The following ATP10B variants were observed in gnomAD, a reference collection of about 807,000 sequenced individuals.
ATP10B encodes the protein phospholipid-transporting ATPase VB.
A neutral mutation model predicts 141.2 loss-of-function variants in ATP10B; 122 were observed. The ratio of observed to expected loss-of-function variants is 0.86; its 90% CI spans 0.75 to 1.00. ATP10B has a LOEUF of 1.00. Among genes scored for constraint, ATP10B ranks in the 50% least tolerant of loss-of-function variants. The probability of loss-of-function intolerance (pLI) is 0.00; values close to 1 mark genes in which losing one functional copy is unlikely to be tolerated. For missense variants in ATP10B, 1,876 were observed against 1,825.3 expected, an observed-to-expected ratio of 1.03 and a Z score of -0.51; for synonymous variants, 685 against 692.0, an observed-to-expected ratio of 0.99 and a Z score of 0.16.
Position 160,620,898 on chromosome 5 carries a change from TG to T in ATP10B, c.1864del (p.Gln622SerfsTer7). 1 of 1,614,200 alleles carries T rather than the reference TG, an allele frequency of 6.2e-7. No individual in the cohort carries two copies. The highest frequency in any genetic ancestry group is 8.5e-7 in the Non-Finnish European group (1 of 1,180,036). ...KALGTSLEKI[Q>X]QLFQKLKLLS... ...TAGCTTCAACTTCTGGAAGAGCTGC[TG>T]AATCTTCTCCAGGGACGTCCCCAGA... On this transcript the variant is annotated frameshift_variant, in exon 15 of 26. Coordinates refer to ENST00000327245, the MANE Select transcript of ATP10B (RefSeq NM_025153.3). LOFTEE classifies it high-confidence loss of function.
chr5:160,803,137 G>A (rs1772508103), intron 1 of ATP10B, among the ~76,000 whole-genome samples: 1 of 152,094 alleles, frequency 6.6e-6, no homozygotes, highest in South Asian at 2.1e-4. Context: ...GGCTTGACTA[G>A]CTATATAACT....
At chr5:160,886,117 T>C in the ATP10B span, among the ~76,000 whole-genome samples, 375 of 152,338 alleles carry the variant, frequency 2.5e-3, 2 homozygotes, top group African/African-American at 8.4e-3. Context: ...GGGGGAATTT[T>C]TAGAAATCAA....
At chr5:160,587,504 A>T (rs76720100) in intron 24 of ATP10B, among the ~76,000 whole-genome samples, 2 of 152,212 alleles carry the variant, frequency 1.3e-5, no homozygotes, top group Non-Finnish European at 2.9e-5. Flanking sequence ...CATTGATTCT[A>T]TAAATTACTT....
chr5:160,624,749 C>T (rs935388054), intron 13 of ATP10B, among the ~76,000 whole-genome samples: 7 of 152,218 alleles, frequency 4.6e-5, no homozygotes, highest in African/African-American at 1.7e-4. Context: ...CCCGACTTAA[C>T]TAAAACCCAT....
At position 160,704,914 on chromosome 5, in the gene ATP10B, C is replaced by CTTTTTTTTTTTTTTTTTTTTT. The variant is rs1170629163; in HGVS notation, c.-205+11974_-205+11994dup. Among the ~76,000 whole-genome samples, 236 of 83,628 alleles carry CTTTTTTTTTTTTTTTTTTTTT rather than the reference C, an allele frequency of 2.8e-3. 14 individuals are homozygous for CTTTTTTTTTTTTTTTTTTTTT. The highest frequency in any genetic ancestry group is 6.6e-3 in the African/African-American group (114 of 17,226). The allele number at this position is 83,628 out of a possible 152,430, so 54.9% of individuals were successfully genotyped here. A position where few individuals can be genotyped will look rare whatever the true frequency, so the allele number is the denominator to read the frequency against. On this transcript the variant is annotated intron_variant, in intron 3 of 25. Coordinates refer to ENST00000327245, the MANE Select transcript of ATP10B (RefSeq NM_025153.3). ...TGCTAGCTTCCAACATTTCTTTCAT[C>CTTTTTTTTTTTTTTTTTTTTT]TTTTTTTTTTTTTTTTTTTTTGTTG...
At chr5:160,653,067 T>C (rs1761011054) in intron 7 of ATP10B, among the ~76,000 whole-genome samples, 1 of 119,060 alleles carries the variant, frequency 8.4e-6, no homozygotes. Flanking sequence ...TATATATTTA[T>C]GTATATATAG....
intron 7 of ATP10B, among the ~76,000 whole-genome samples, chr5:160,663,953 G>C (rs1762153728): frequency 6.6e-6 from 1 of 152,110 alleles, no homozygotes; most frequent in African/African-American, 2.4e-5. Context: ...TTTTTGAGTA[G>C]TAGAAAGAAA....
chr5:160,893,734 G>A, the ATP10B span, among the ~76,000 whole-genome samples: 28 of 152,164 alleles, frequency 1.8e-4, no homozygotes, highest in African/African-American at 3.9e-4. Flanking sequence ...ACTGATCCCC[G>A]TGCCTCCTAA....
rs1403808057 is a variant in ATP10B at position 160,622,479 on chromosome 5, G to GTGGA, written c.1723_1726dup (p.Thr576IlefsTer8). The GTGGA allele has an allele frequency of 6.2e-7, 1 of 1,614,138 alleles. No individual in the cohort carries two copies. Among genetic ancestry groups the GTGGA allele is most frequent in the East Asian group, 2.2e-5 (1 of 44,878 alleles). ...GAAGAAATCAGCAATGGAGGAGGTG[G>GTGGA]TGGAGAGGGAAGCCTTGGCAGGTCT... On this transcript the variant is annotated frameshift_variant, in exon 14 of 26. Transcript: ENST00000327245. LOFTEE classifies it high-confidence loss of function.
At chr5:160,812,439 G>C (rs1773243985) in intron 1 of ATP10B, among the ~76,000 whole-genome samples, 1 of 152,192 alleles carries the variant, frequency 6.6e-6, no homozygotes, top group Non-Finnish European at 1.5e-5. Context: ...TGGAGAAACA[G>C]AGATAGGTGA....
At chr5:160,578,315 G>A (rs1755322900) in intron 24 of ATP10B, among the ~76,000 whole-genome samples, 2 of 152,070 alleles carry the variant, frequency 1.3e-5, no homozygotes, top group Admixed American at 6.6e-5. Context: ...TCTACATTAG[G>A]TATTTCTCCT....
upstream of ATP10B, among the ~76,000 whole-genome samples, chr5:160,853,102 CCA>C (rs1445940283): frequency 6.6e-6 from 1 of 152,046 alleles, no homozygotes; most frequent in African/African-American, 2.4e-5. Context: ...GAAGAAACAC[CCA>C]CACCATCTAA....
intron 1 of ATP10B, among the ~76,000 whole-genome samples, chr5:160,809,398 T>C (rs563164217): frequency 6.6e-6 from 1 of 152,108 alleles, no homozygotes; most frequent in African/African-American, 2.4e-5. Context: ...TTTAAAAAAA[T>C]TTTTTTTCTA....
chr5:160,724,414 T>C (rs187252529), intron 2 of ATP10B, among the ~76,000 whole-genome samples: 3 of 152,204 alleles, frequency 2.0e-5, no homozygotes, highest in African/African-American at 7.2e-5. Context: ...GGGGCCAGTG[T>C]ACCTGGCCAC....
At chr5:160,702,734 T>C (rs1407102061) in intron 3 of ATP10B, among the ~76,000 whole-genome samples, 1 of 152,204 alleles carries the variant, frequency 6.6e-6, no homozygotes, top group African/African-American at 2.4e-5. Context: ...TCCTTTCCCA[T>C]TATACAAGAT....
chr5:160,665,605 A>C (rs1762275043), intron 7 of ATP10B, among the ~76,000 whole-genome samples: 1 of 152,232 alleles, frequency 6.6e-6, no homozygotes, highest in South Asian at 2.1e-4. Flanking sequence ...TTGACTTGTA[A>C]ACTGTAATCT....
chr5:160,858,310 A>G, the ATP10B span, among the ~76,000 whole-genome samples: 69 of 152,024 alleles, frequency 4.5e-4, no homozygotes, highest in Non-Finnish European at 7.4e-4. Context: ...TAATGTCTCC[A>G]TAATATATCT....
In ATP10B at chr5:160,687,847, G is replaced by T; in HGVS notation, c.228C>A (p.Tyr76Ter). 1 of 1,614,182 alleles carries T rather than the reference G, an allele frequency of 6.2e-7. No homozygotes were observed. Among genetic ancestry groups the T allele is most frequent in the Non-Finnish European group, 8.5e-7 (1 of 1,180,026 alleles). Residue 76 changes from tyrosine (Y) to a stop codon, truncating the protein, a stop_gained, in exon 5 of 26, where the codon TAC becomes TAA. Coordinates refer to ENST00000327245, the MANE Select transcript of ATP10B (RefSeq NM_025153.3). LOFTEE classifies it high-confidence loss of function. The part of the protein sequence containing the change: ...YPGNRTCTTK[Y>*]TLFTFLPRNL... ...TCCGGGGCAGGAAGGTGAAGAGGGT[G>T]TATTTGGTTGTGCAGGTTCTGTTGC... is the stretch of plus-strand genomic sequence containing the variant.
At chr5:160,767,641 C>CCCA (rs112811888) in intron 2 of ATP10B, among the ~76,000 whole-genome samples, 39 of 114,194 alleles carry the variant, frequency 3.4e-4, no homozygotes, top group African/African-American at 1.1e-3. Flanking sequence ...CAGAACCCCC[C>CCCA]CCCCCAAAAT....
Sources: allele counts gnomAD v4.1 joint callset (sites outside exome capture counted in the v4.1 genomes callset), GRCh38; gene constraint gnomAD v4.1.1; transcripts MANE v1.5; gene names NCBI Gene and HGNC (gene_info 2026-07-23, HGNC 2026-07-21).